The following TGM2 variants were observed in gnomAD, a reference collection of about 807,000 sequenced individuals.
TGM2 encodes transglutaminase 2.
Under a neutral mutation model 75.6 loss-of-function variants are expected in TGM2, and 53 were observed. The observed-to-expected ratio is 0.70, with a 90% confidence interval of 0.56 to 0.88. The LOEUF (loss-of-function observed/expected upper bound fraction) is 0.88. TGM2 is among the 40% of genes least tolerant of loss of function. The pLI, the probability that TGM2 is intolerant of heterozygous loss-of-function variation, is 0.00. For synonymous variants in TGM2, 374 were observed against 381.1 expected (o/e 0.98, Z 0.22); for missense variants, 842 against 928.5 (o/e 0.91, Z 1.21).
intron 6 of TGM2, among the ~76,000 whole-genome samples, chr20:38,145,093 A>G (rs2075028958): frequency 6.6e-6 from 1 of 152,178 alleles, no homozygotes; most frequent in South Asian, 2.1e-4. Context: ...AGTTTCCACA[A>G]GAAAAAGGAA....
rs1165105153 is a variant in TGM2 at position 38,130,381 on chromosome 20, G to C, written c.1914-12C>G. On this transcript the variant is annotated splice_polypyrimidine_tract_variant and intron_variant, in intron 12 of 12. Transcript: ENST00000361475. ...CCACGGGGTCTGGGCTGCAGGGAGA[G>C]AGGGGGTGGTGAGGAAAGGGGCCCA... 1 of 1,579,058 alleles carries C rather than the reference G, an allele frequency of 6.3e-7. No homozygotes were observed. Among genetic ancestry groups the C allele is most frequent in the Non-Finnish European group, 8.6e-7 (1 of 1,162,390 alleles).
chr20:38,138,066 G>A, intron 10 of TGM2, 47 bp downstream of exon 10: 1 of 1,542,626 alleles, frequency 6.5e-7, no homozygotes, highest in East Asian at 2.4e-5. Flanking sequence ...TACCTAGCAT[G>A]TTGTCAGTTG....
chr20:38,161,369 A>G (rs1955435436), intron 2 of TGM2, 51 bp downstream of exon 2: 1 of 1,600,544 alleles, frequency 6.2e-7, no homozygotes, highest in African/African-American at 1.3e-5. Flanking sequence ...CGGGGTGGAG[A>G]GGAAGTGGTG....
In TGM2 at chr20:38,142,200, C is replaced by G; in HGVS notation, c.860-1G>C. Reference sequence around the variant, plus strand: ...GTAGGGATGCCCAGGCACCTCAGCACTGTTGGAGAGGAGTGGAAAGCGGGG... The same window carrying G: ...GTAGGGATGCCCAGGCACCTCAGCAGTGTTGGAGAGGAGTGGAAAGCGGGG... On this transcript the variant is annotated splice_acceptor_variant, in intron 6 of 12. Transcript: ENST00000361475. LOFTEE classifies it high-confidence loss of function. 6.2e-7 allele frequency: 1 copy of G among 1,614,190 alleles called. No homozygotes were observed. Among genetic ancestry groups the G allele is most frequent in the Non-Finnish European group, 8.5e-7 (1 of 1,180,032 alleles).
At chr20:38,159,599 T>A (rs953270342) in intron 2 of TGM2, among the ~76,000 whole-genome samples, 1 of 152,212 alleles carries the variant, frequency 6.6e-6, no homozygotes, top group African/African-American at 2.4e-5. Flanking sequence ...GCAGCTCATC[T>A]ACCATTCCAT....
intron 10 of TGM2, among the ~76,000 whole-genome samples, chr20:38,136,553 G>C (rs1467299917): frequency 6.6e-6 from 1 of 152,226 alleles, no homozygotes; most frequent in Non-Finnish European, 1.5e-5. Flanking sequence ...GCCTGATGGG[G>C]ACGCTAAGGT....
intron 10 of TGM2, chr20:38,133,864 G>T (rs1053655846): frequency 2.0e-5 from 3 of 152,508 alleles, no homozygotes; most frequent in African/African-American, 7.2e-5. Context: ...GGTCGAGGCT[G>T]CAGTGAGCCG....
intron 10 of TGM2, among the ~76,000 whole-genome samples, chr20:38,137,415 T>C (rs2074912918): frequency 1.3e-5 from 2 of 152,152 alleles, no homozygotes; most frequent in Admixed American, 6.5e-5. Context: ...ATCGTGCCAC[T>C]GCACTGCAGA....
At chr20:38,168,306 T>C (rs768933107), upstream of TGM2, among the ~76,000 whole-genome samples, 1 of 152,214 alleles carries the variant, frequency 6.6e-6, no homozygotes, top group South Asian at 2.1e-4. Context: ...CCAGGCACCC[T>C]TGCCCCTCTC....
Position 38,155,859 on chromosome 20 carries a change from C to A in TGM2, c.421G>T (p.Ala141Ser), listed in dbSNP as rs758726791. ...GCGTGTGGCTCACCTGGGCACCAGG[C>A]GTTGAAGAGCAAAATGAAGTGGCCC... ...VLGHFILLFNAWCPADAVYLD... is the reference protein window; with the variant it reads ...VLGHFILLFNSWCPADAVYLD... The change falls in exon 3 of 13, where the codon GCC becomes TCC. Residue 141 changes from alanine (A) to serine (S), a missense_variant. Transcript: ENST00000361475. 2 of 1,598,806 alleles carry A rather than the reference C, an allele frequency of 1.3e-6. No individual in the cohort carries two copies. Among genetic ancestry groups the A allele is most frequent in the African/African-American group, 1.3e-5 (1 of 74,864 alleles).
chr20:38,139,942 C>A (rs956038629), intron 8 of TGM2, among the ~76,000 whole-genome samples: 1 of 152,210 alleles, frequency 6.6e-6, no homozygotes, highest in Non-Finnish European at 1.5e-5. Context: ...AAGATCTGGA[C>A]CACCTAATGA....
At chr20:38,150,320 T>C (rs1600505407) in intron 4 of TGM2, among the ~76,000 whole-genome samples, 1 of 152,158 alleles carries the variant, frequency 6.6e-6, no homozygotes, top group Non-Finnish European at 1.5e-5. Context: ...TAGACAGCCA[T>C]GCATGGCTGA....
chr20:38,136,868 T>C (rs1384866107), intron 10 of TGM2, among the ~76,000 whole-genome samples: 1 of 152,162 alleles, frequency 6.6e-6, no homozygotes, highest in African/African-American at 2.4e-5. Context: ...CAAGCTTATA[T>C]TTAGGAAGAT....
At chr20:38,141,086 G>T (rs1281168237) in intron 8 of TGM2, among the ~76,000 whole-genome samples, 196 bp downstream of exon 8, 1 of 152,070 alleles carries the variant, frequency 6.6e-6, no homozygotes, top group South Asian at 2.1e-4. Flanking sequence ...CCTGCTTTCC[G>T]CAATGCACGT....
intron 3 of TGM2, among the ~76,000 whole-genome samples, chr20:38,154,645 A>C (rs6023511): frequency 0.44 from 67,296 of 152,026 alleles, 16,951 homozygotes; most frequent in African/African-American, 0.66. Flanking sequence ...GAAGTGGGGA[A>C]GTGTCATCTC....
intron 10 of TGM2, among the ~76,000 whole-genome samples, chr20:38,136,904 C>G (rs1479865998): frequency 6.6e-6 from 1 of 152,204 alleles, no homozygotes; most frequent in African/African-American, 2.4e-5. Flanking sequence ...CAAAGCCAGA[C>G]AGTGGAAGGG....
At chr20:38,162,965 T>C (rs951254407) in intron 1 of TGM2, among the ~76,000 whole-genome samples, 1 of 152,240 alleles carries the variant, frequency 6.6e-6, no homozygotes, top group Non-Finnish European at 1.5e-5. Flanking sequence ...TGTGTTGCTG[T>C]GTGAGCCTGG....
chr20:38,139,383 G>T lies in TGM2; in HGVS notation c.1342+29C>A, dbSNP rs767001563. On this transcript the variant is annotated intron_variant, in intron 9 of 12. Transcript: ENST00000361475. ...GGAAAACTGGATGCTTATCTTCAAG[G>T]CTGCATTAAAGACTCTGAGGGCACA... The T allele has an allele frequency of 6.2e-6, 10 of 1,613,778 alleles. No homozygotes were observed. In the East Asian group the frequency reaches 1.6e-4, roughly 25 times the overall value.
At chr20:38,136,569 G>A (rs1241897083) in intron 10 of TGM2, among the ~76,000 whole-genome samples, 2 of 152,182 alleles carry the variant, frequency 1.3e-5, no homozygotes, top group Non-Finnish European at 2.9e-5. Flanking sequence ...AAGGTGCAGG[G>A]GAGTGGCCAT....
Sources: allele counts gnomAD v4.1 joint callset (sites outside exome capture counted in the v4.1 genomes callset), GRCh38; gene constraint gnomAD v4.1.1; transcripts MANE v1.5; gene names NCBI Gene and HGNC (gene_info 2026-07-23, HGNC 2026-07-21).